The following CNTN4 variants were observed in gnomAD, a reference collection of about 807,000 sequenced individuals.
CNTN4 encodes contactin-4.
CNTN4 carries 77 observed loss-of-function variants against 122.5 expected under a neutral mutation model. That is an observed-to-expected ratio of 0.63 (90% confidence interval 0.52 to 0.76). The LOEUF is 0.76. Among genes scored for constraint, CNTN4 ranks in the 30% least tolerant of loss-of-function variants. CNTN4 has a pLI of 0.00. For missense variants in CNTN4, 1,256 were observed against 1,259.1 expected (o/e 1.00, Z 0.04); for synonymous variants, 512 against 447.0 (o/e 1.15, Z -1.83).
intron 3 of CNTN4, among the ~76,000 whole-genome samples, chr3:2,473,217 G>C (rs1429329866): frequency 1.7e-5 from 2 of 121,070 alleles, no homozygotes; most frequent in Non-Finnish European, 3.3e-5. Context: ...GGCAACAAGA[G>C]CAAAACTCCA....
intron 15 of CNTN4, among the ~76,000 whole-genome samples, chr3:3,029,025 TC>T (rs776009503): frequency 2.0e-5 from 3 of 150,932 alleles, no homozygotes; most frequent in African/African-American, 5.0e-5. Context: ...CTGAGTCCAA[TC>T]CCCTGTGTCT....
At position 2,767,434 on chromosome 3, in the gene CNTN4, G is replaced by A. The variant is rs567068770; in HGVS notation, c.358+21737G>A. 6.6e-5 allele frequency among the ~76,000 whole-genome samples: 10 copies of A among 152,264 alleles called. No homozygotes were observed. The South Asian group carries it at 2.1e-3, about 32-fold the overall frequency. On this transcript the variant is annotated intron_variant, in intron 6 of 24. Transcript: ENST00000418658. ...GATTGATTTTTAAAATAAACGAATT[G>A]TTTGCTTCAGCTAATCAGGGACTAG... is the stretch of plus-strand genomic sequence containing the variant.
rs551535700 is a variant in CNTN4 at position 3,054,415 on chromosome 3, A to C, written c.2980+440A>C. Among the ~76,000 whole-genome samples the C allele has an allele frequency of 1.2e-4, 18 of 152,330 alleles. No homozygotes were observed. In the South Asian group the frequency reaches 3.1e-3, roughly 26 times the overall value. On this transcript the variant is annotated intron_variant, in intron 24 of 24. Transcript: ENST00000418658. Reference sequence around the variant, plus strand: ...ATCTTGGAAATATTTGGAATTTACTACTTATTTTCAATGGGTATATGCAAC... The same window carrying C: ...ATCTTGGAAATATTTGGAATTTACTCCTTATTTTCAATGGGTATATGCAAC...
At position 2,927,518 on chromosome 3, in the gene CNTN4, G is replaced by C. The variant is rs1287696179; in HGVS notation, c.1358+1739G>C. 38 of 285,922 alleles carry C rather than the reference G, an allele frequency of 1.3e-4. No homozygotes were observed. In the Admixed American group the frequency reaches 1.5e-3, roughly 11 times the overall value. The allele number at this position is 285,922 out of a possible 1,614,324, so 17.7% of individuals were successfully genotyped here. On this transcript the variant is annotated intron_variant, in intron 13 of 24. Transcript: ENST00000418658. ...CAGCAGGGAAATATAATCTTGCTAT[G>C]TGCCTGGAAGAAAAGAGACAACCTA... is the stretch of plus-strand genomic sequence containing the variant.
intron 7 of CNTN4, among the ~76,000 whole-genome samples, chr3:2,865,236 G>A (rs2093711766): frequency 2.0e-5 from 3 of 152,096 alleles, no homozygotes; most frequent in Admixed American, 6.6e-5. Context: ...TAATACATGT[G>A]GAAATGTTAT....
In CNTN4 at chr3:2,661,407, A is replaced by G. The variant is rs1268988638; in HGVS notation, c.56-74808A>G. ...TTCTATACAAGATTTTGCAATGTTT[A>G]TATTAGTCAAGATCAGCTTTTTCCA... On this transcript the variant is annotated intron_variant, in intron 4 of 24. Coordinates refer to ENST00000418658, the MANE Select transcript of CNTN4 (RefSeq NM_175607.3). Among the ~76,000 whole-genome samples, 6 of 152,168 alleles carry G rather than the reference A, an allele frequency of 3.9e-5. No homozygotes were observed. The South Asian group carries it at 8.3e-4, about 21-fold the overall frequency.
chr3:2,559,578 G>A (rs7624924), intron 3 of CNTN4, among the ~76,000 whole-genome samples: 94,165 of 150,632 alleles, frequency 0.63, 29,496 homozygotes, highest in East Asian at 0.75. Flanking sequence ...AAGAAAAAAA[G>A]AAAAAGGTTG....
chr3:2,152,527 C>T (rs751963768), intron 2 of CNTN4, among the ~76,000 whole-genome samples: 4 of 152,056 alleles, frequency 2.6e-5, no homozygotes, highest in Non-Finnish European at 5.9e-5. Flanking sequence ...GATGATGGGA[C>T]TTTGTCAGAT....
chr3:2,159,941 A>C lies in CNTN4; in HGVS notation c.-145+59302A>C, dbSNP rs115513970. Reference sequence around the variant, plus strand: ...GTAATTTGCAAATTAGAAAATGACTATTTCTTTTTTCTTGTTATTGGACTC... The same window carrying C: ...GTAATTTGCAAATTAGAAAATGACTCTTTCTTTTTTCTTGTTATTGGACTC... On this transcript the variant is annotated intron_variant, in intron 2 of 24. Coordinates refer to ENST00000418658, the MANE Select transcript of CNTN4 (RefSeq NM_175607.3). 4.8e-3 allele frequency among the ~76,000 whole-genome samples: 726 copies of C among 151,344 alleles called. 7 individuals carry two copies. The highest frequency in any genetic ancestry group is 0.017 in the African/African-American group (685 of 41,236).
At chr3:2,510,680 C>G (rs1037463595) in intron 3 of CNTN4, among the ~76,000 whole-genome samples, 5 of 152,104 alleles carry the variant, frequency 3.3e-5, no homozygotes, top group African/African-American at 1.2e-4. Flanking sequence ...CATGTCTGGG[C>G]AAAAGCGTGT....
chr3:2,887,075 G>A lies in CNTN4; in HGVS notation c.791G>A (p.Gly264Glu), dbSNP rs756884036. 7.4e-6 allele frequency: 12 copies of A among 1,614,036 alleles called. No homozygotes were observed. The South Asian group carries it at 1.3e-4, about 18-fold the overall frequency. ...ACTATTATCTGGCGAAGAGCTGATG[G>A]AAAGCCAATAGCAAGGAAAGCCAGA... ...VPTIIWRRADGKPIARKARRH... is the reference protein window; with the variant it reads ...VPTIIWRRADEKPIARKARRH... The change falls in exon 10 of 25, where the codon GGA becomes GAA. Residue 264 changes from glycine to glutamate, a missense_variant. By Grantham distance (98) the Gly-to-Glu change is moderately conservative (BLOSUM62 -2). Transcript: ENST00000418658.
Position 2,142,357 on chromosome 3 carries a change from CT to C in CNTN4, c.-145+41727del, listed in dbSNP as rs943136964. On this transcript the variant is annotated intron_variant, in intron 2 of 24. Coordinates refer to ENST00000418658, the MANE Select transcript of CNTN4 (RefSeq NM_175607.3). Reference sequence around the variant, plus strand: ...CTGACTTTTTGATATTCTTTCTTTCCTTTTTTTTTCTTTCTTTTTTTTTTAA... The same window carrying C: ...CTGACTTTTTGATATTCTTTCTTTCCTTTTTTTTCTTTCTTTTTTTTTTAA... Among the ~76,000 whole-genome samples the C allele has an allele frequency of 1.6e-3, 243 of 150,602 alleles. 2 individuals are homozygous for C. The highest frequency in any genetic ancestry group is 4.7e-4 in the Non-Finnish European group (32 of 67,620).
intron 6 of CNTN4, among the ~76,000 whole-genome samples, chr3:2,791,964 C>A (rs1394907909): frequency 6.6e-6 from 1 of 152,178 alleles, no homozygotes; most frequent in African/African-American, 2.4e-5. Context: ...GGGATGATCT[C>A]CTTATCTCAA....
rs572476748 is a variant in CNTN4, at chr3:2,248,790, C to T, written c.-144-90388C>T. 3.3e-5 allele frequency among the ~76,000 whole-genome samples: 5 copies of T among 152,034 alleles called. No homozygotes were observed. In the South Asian group the frequency reaches 1.0e-3, roughly 32 times the overall value. Reference sequence around the variant, plus strand: ...AGCGACAGAACAAACATGCATTCTCCTGACGATATAAAACAGGATATTGTA... The same window carrying T: ...AGCGACAGAACAAACATGCATTCTCTTGACGATATAAAACAGGATATTGTA... On this transcript the variant is annotated intron_variant, in intron 2 of 24. Coordinates refer to ENST00000418658, the MANE Select transcript of CNTN4 (RefSeq NM_175607.3).
chr3:2,474,616 G>T (rs1380998676), intron 3 of CNTN4, among the ~76,000 whole-genome samples: 1 of 152,062 alleles, frequency 6.6e-6, no homozygotes, highest in Non-Finnish European at 1.5e-5. Context: ...GGAAATGTAA[G>T]GAAAAATAAG....
At chr3:2,785,943 C>G (rs1479421985) in intron 6 of CNTN4, among the ~76,000 whole-genome samples, 1 of 147,306 alleles carries the variant, frequency 6.8e-6, no homozygotes, top group South Asian at 2.2e-4. Context: ...GCAGACCCCA[C>G]TGGCAGAGCA....
At chr3:2,682,534 C>T (rs1275309668) in intron 4 of CNTN4, among the ~76,000 whole-genome samples, 1 of 152,088 alleles carries the variant, frequency 6.6e-6, no homozygotes, top group African/African-American at 2.4e-5. Context: ...ACCCCCACTT[C>T]AATGAGTAGT....
intron 3 of CNTN4, among the ~76,000 whole-genome samples, chr3:2,413,306 A>G (rs552909965): frequency 5.9e-5 from 9 of 152,228 alleles, no homozygotes; most frequent in Non-Finnish European, 1.3e-4. Flanking sequence ...TGATCAAATC[A>G]TTCTCAATCA....
chr3:2,611,033 CATGCTTTAT>C, intron 4 of CNTN4, among the ~76,000 whole-genome samples: 1 of 152,028 alleles, frequency 6.6e-6, no homozygotes, highest in Non-Finnish European at 1.5e-5. Context: ...TCCATTATAA[CATGCTTTAT>C]ATGTATTATC....
Sources: gnomAD v4.1 joint callset for allele counts (sites outside exome capture counted in the v4.1 genomes callset) on GRCh38, gnomAD v4.1.1 for gene constraint, MANE v1.5 for transcripts, NCBI Gene and HGNC (gene_info 2026-07-23, HGNC 2026-07-21) for gene names.